TFPI: variants seen among roughly 807,000 people sequenced by gnomAD.
TFPI encodes the protein anti-convertin.
Under a neutral mutation model 34.6 loss-of-function variants are expected in TFPI, and 15 were observed. The ratio of observed to expected loss-of-function variants is 0.43; its 90% CI spans 0.29 to 0.67. The LOEUF (loss-of-function observed/expected upper bound fraction) is 0.67. Among genes scored for constraint, TFPI ranks in the 30% least tolerant of loss-of-function variants. TFPI has a pLI of 0.15. For missense variants in TFPI, 301 were observed against 364.0 expected (o/e 0.83, Z 1.41); for synonymous variants, 105 against 120.1 (o/e 0.87, Z 0.82).
chr2:187,496,737 T>C (rs1319359154), intron 3 of TFPI, 144 bp downstream of exon 3: 2 of 754,300 alleles, frequency 2.7e-6, no homozygotes, highest in Admixed American at 6.3e-5. Flanking sequence ...TAGGATTCCC[T>C]GAAAGTCTAA....
chr2:187,483,622 A>G lies in TFPI; in HGVS notation c.628+502T>C, dbSNP rs578219749. ...GTTAACAGACAAGAACATAAAAAAG[A>G]GTCCTGCAGAATTCAAAAGAAAATT... On this transcript the variant is annotated intron_variant, in intron 6 of 7. Coordinates refer to ENST00000233156, the MANE Select transcript of TFPI (RefSeq NM_006287.6). Among the ~76,000 whole-genome samples the G allele has an allele frequency of 2.4e-4, 37 of 152,130 alleles. No individual in the cohort carries two copies. The South Asian group carries it at 7.5e-3, about 31-fold the overall frequency.
intron 3 of TFPI, among the ~76,000 whole-genome samples, chr2:187,492,192 T>C (rs1685166459): frequency 6.6e-6 from 1 of 152,226 alleles, no homozygotes; most frequent in Admixed American, 6.5e-5. Flanking sequence ...ACATTTTTAA[T>C]TTAAGTTACT....
At chr2:187,469,922 T>C (rs2105950894) in intron 6 of TFPI, among the ~76,000 whole-genome samples, 1 of 152,282 alleles carries the variant, frequency 6.6e-6, no homozygotes, top group South Asian at 2.1e-4. Context: ...GTGGGATGTG[T>C]ATTATCATCA....
intron 6 of TFPI, chr2:187,478,767 G>T: frequency 1.2e-6 from 2 of 1,613,562 alleles, no homozygotes; most frequent in Non-Finnish European, 1.7e-6. Context: ...AATATGAGCC[G>T]CATTCTTCCA....
At chr2:187,472,901 A>T (rs1692134820) in intron 6 of TFPI, among the ~76,000 whole-genome samples, 2 of 152,092 alleles carry the variant, frequency 1.3e-5, no homozygotes. Context: ...GGTCCCAGCT[A>T]CTAGGGAGGC....
At chr2:187,525,179 A>T (rs1222089513) in intron 1 of TFPI, among the ~76,000 whole-genome samples, 2 of 152,120 alleles carry the variant, frequency 1.3e-5, no homozygotes, top group Non-Finnish European at 1.5e-5. Context: ...GCCCTAACCT[A>T]TAAGAAGTAT....
rs749881927 is a variant in TFPI at position 187,484,159 on chromosome 2, A to G, written c.593T>C (p.Leu198Pro). ...GGGAACCTTGGTTGATTGCGGAGTCAGGGAGTTATTCACAGCATTGAGCTG... is the reference window on the plus strand; with the variant it reads ...GGGAACCTTGGTTGATTGCGGAGTCGGGGAGTTATTCACAGCATTGAGCTG... ...GTQLNAVNNS[L>P]TPQSTKVPSL... The change falls in exon 6 of 8, where the codon CTG (leucine) becomes CCG (proline). Residue 198 changes from leucine to proline, a missense_variant. Coordinates refer to ENST00000233156, the MANE Select transcript of TFPI (RefSeq NM_006287.6). The G allele has an allele frequency of 6.3e-5, 102 of 1,612,408 alleles. No individual in the cohort carries two copies. Among genetic ancestry groups the G allele is most frequent in the Admixed American group, 2.5e-4 (15 of 59,842 alleles).
At chr2:187,488,788 T>G (rs1693485566) in intron 3 of TFPI, among the ~76,000 whole-genome samples, 1 of 151,488 alleles carries the variant, frequency 6.6e-6, no homozygotes, top group African/African-American at 2.4e-5. Flanking sequence ...TTAACCAGAA[T>G]TATTTCCTTT....
intron 1 of TFPI, among the ~76,000 whole-genome samples, chr2:187,550,056 C>G (rs1277139877): frequency 6.6e-6 from 1 of 152,002 alleles, no homozygotes; most frequent in Non-Finnish European, 1.5e-5. Flanking sequence ...TACAAGAACC[C>G]AGTGGTCTCG....
intron 6 of TFPI, among the ~76,000 whole-genome samples, chr2:187,469,004 T>G (rs186132168): frequency 4.9e-4 from 74 of 152,162 alleles, no homozygotes; most frequent in Middle Eastern, 3.4e-3. Context: ...TAGATTGTGC[T>G]TTAAGCAAGA....
chr2:187,475,850 C>T (rs1273277644), intron 6 of TFPI, among the ~76,000 whole-genome samples: 1 of 152,152 alleles, frequency 6.6e-6, no homozygotes, highest in Admixed American at 6.5e-5. Flanking sequence ...ATAAAATTGT[C>T]ACAACTTCTC....
At chr2:187,540,670 A>G (rs756291801) in intron 1 of TFPI, among the ~76,000 whole-genome samples, 1 of 152,124 alleles carries the variant, frequency 6.6e-6, no homozygotes, top group Non-Finnish European at 1.5e-5. Context: ...CGGGCAGATC[A>G]CTTGAGGTTA....
chr2:187,535,686 A>G (rs1167225627), intron 1 of TFPI, among the ~76,000 whole-genome samples: 2 of 152,340 alleles, frequency 1.3e-5, no homozygotes, highest in Non-Finnish European at 2.9e-5. Flanking sequence ...TAGAGAAGCT[A>G]GAGCAAACAA....
intron 3 of TFPI, among the ~76,000 whole-genome samples, chr2:187,494,734 CT>C (rs980839915): frequency 1.1e-4 from 17 of 151,336 alleles, no homozygotes; most frequent in South Asian, 6.3e-4. Flanking sequence ...AGTGACTTTT[CT>C]TTTTTTTTCA....
intron 1 of TFPI, 174 bp downstream of exon 1, chr2:187,554,026 G>C (rs1238171186): frequency 1.3e-5 from 2 of 152,052 alleles, no homozygotes; most frequent in Non-Finnish European, 1.5e-5. Context: ...ACTCAAGTTT[G>C]GATTGCAGTT....
At chr2:187,499,968 T>C (rs1159098728) in intron 2 of TFPI, among the ~76,000 whole-genome samples, 1 of 152,196 alleles carries the variant, frequency 6.6e-6, no homozygotes, top group Non-Finnish European at 1.5e-5. Flanking sequence ...AAAAATCATT[T>C]TTCATAAATC....
intron 1 of TFPI, among the ~76,000 whole-genome samples, chr2:187,508,355 G>A (rs1686373192): frequency 6.6e-6 from 1 of 152,204 alleles, no homozygotes; most frequent in Non-Finnish European, 1.5e-5. Context: ...TGTGAAGAAA[G>A]TCAATGGTAG....
In TFPI at chr2:187,478,715, C is replaced by T; in HGVS notation, c.628+5409G>A. The T allele has an allele frequency of 1.9e-6, 3 of 1,613,612 alleles. No homozygotes were observed. The South Asian group carries it at 3.3e-5, about 18-fold the overall frequency. The stretch of plus-strand genomic sequence containing the variant: ...AAATGCTATCCAATCCTAGAAAGAA[C>T]ATGGATGCATGAATGCAGAAGGCGT... On this transcript the variant is annotated intron_variant, in intron 6 of 7. Transcript: ENST00000233156.
intron 6 of TFPI, among the ~76,000 whole-genome samples, chr2:187,480,327 T>TAAC (rs1355585772): frequency 6.6e-6 from 1 of 152,034 alleles, no homozygotes; most frequent in African/African-American, 2.4e-5. Flanking sequence ...TAATAATGAG[T>TAAC]AACCCTACAC....
Sources: gnomAD v4.1 joint callset for allele counts (sites outside exome capture counted in the v4.1 genomes callset) on GRCh38, gnomAD v4.1.1 for gene constraint, MANE v1.5 for transcripts, NCBI Gene and HGNC (gene_info 2026-07-23, HGNC 2026-07-21) for gene names.